Variants in PARD3B observed in about 807,000 individuals in gnomAD.
PARD3B encodes partitioning defective 3 homolog B.
A neutral mutation model predicts 130.2 loss-of-function variants in PARD3B; 103 were observed. That is an observed-to-expected ratio of 0.79 (90% CI 0.67 to 0.93). PARD3B has a LOEUF of 0.93. PARD3B is among the 40% of genes least tolerant of loss of function. The pLI is 0.00. For synonymous variants in PARD3B, 583 were observed against 553.2 expected, an observed-to-expected ratio of 1.05 and a Z score of -0.76; for missense variants, 1,609 against 1,499.2, an observed-to-expected ratio of 1.07 and a Z score of -1.21.
intron 22 of PARD3B, among the ~76,000 whole-genome samples, chr2:205,581,364 C>T (rs906512935): frequency 4.2e-5 from 6 of 141,340 alleles, no homozygotes; most frequent in African/African-American, 1.1e-4. Context: ...CGTGTGTGTA[C>T]GTGTGTATGT....
chr2:205,295,951 TTG>T (rs1401053608), intron 16 of PARD3B, among the ~76,000 whole-genome samples: 1 of 152,144 alleles, frequency 6.6e-6, no homozygotes, highest in Non-Finnish European at 1.5e-5. Context: ...ATTTAAGGAG[TTG>T]TTTCCCTTTT....
intron 2 of PARD3B, among the ~76,000 whole-genome samples, chr2:204,851,384 T>G (rs1308847924): frequency 6.6e-6 from 1 of 152,194 alleles, no homozygotes; most frequent in Non-Finnish European, 1.5e-5. Context: ...GCTTCTGATT[T>G]AATAGAATAG....
rs373118825 is a variant in PARD3B at position 204,777,687 on chromosome 2, T to C, written c.222+91405T>C. On this transcript the variant is annotated intron_variant, in intron 2 of 22. Coordinates refer to ENST00000406610, the MANE Select transcript of PARD3B (RefSeq NM_001302769.2). ...GGGCAGCTGAAGTCGGAGGATCACT[T>C]GAGCCTGGGAGGTCAAGGCTGCAGT... Among the ~76,000 whole-genome samples, 20 of 152,250 alleles carry C rather than the reference T, an allele frequency of 1.3e-4. No homozygotes were observed. In the South Asian group the frequency reaches 4.2e-3, roughly 32 times the overall value.
chr2:205,108,869 C>T (rs1164562675), intron 5 of PARD3B, among the ~76,000 whole-genome samples: 1 of 152,098 alleles, frequency 6.6e-6, no homozygotes, highest in Non-Finnish European at 1.5e-5. Flanking sequence ...AAGTTTACTT[C>T]TAAAATGGAT....
intron 2 of PARD3B, among the ~76,000 whole-genome samples, chr2:204,737,162 G>T (rs1435247815): frequency 2.0e-5 from 3 of 152,146 alleles, no homozygotes; most frequent in Non-Finnish European, 1.5e-5. Context: ...AGTAGTGATG[G>T]GGTTTCTCCA....
intron 15 of PARD3B, among the ~76,000 whole-genome samples, chr2:205,210,474 T>C (rs975991566): frequency 6.6e-6 from 1 of 152,126 alleles, no homozygotes; most frequent in Non-Finnish European, 1.5e-5. Flanking sequence ...TTGACTAATA[T>C]TATACTCTTT....
intron 1 of PARD3B, among the ~76,000 whole-genome samples, chr2:204,580,203 A>G (rs1022796277): frequency 6.6e-6 from 1 of 152,198 alleles, no homozygotes; most frequent in Non-Finnish European, 1.5e-5. Flanking sequence ...CCTTCTAAAG[A>G]GAGAGGGGAA....
intron 2 of PARD3B, among the ~76,000 whole-genome samples, chr2:204,909,027 T>C (rs1016889236): frequency 6.6e-6 from 1 of 152,174 alleles, no homozygotes; most frequent in Non-Finnish European, 1.5e-5. Flanking sequence ...TTGCTTTTTA[T>C]TGTTTGTAAC....
intron 2 of PARD3B, among the ~76,000 whole-genome samples, chr2:204,795,166 T>TTAGGAAAAA (rs1485191486): frequency 2.0e-5 from 3 of 152,206 alleles, no homozygotes; most frequent in Non-Finnish European, 4.4e-5. Context: ...GGAAAATAGG[T>TTAGGAAAAA]TCTCTTCCAT....
Position 205,365,744 on chromosome 2 carries a change from C to T in PARD3B, c.2631-35269C>T, listed in dbSNP as rs1013124766. ...GGAAGGAAAGGCATTCCAAGCATAG[C>T]GTGTTGGGACTCAAGTCATTTCTTA... On this transcript the variant is annotated intron_variant, in intron 18 of 22. Coordinates refer to ENST00000406610, the MANE Select transcript of PARD3B (RefSeq NM_001302769.2). Among the ~76,000 whole-genome samples, 10 of 152,220 alleles carry T rather than the reference C, an allele frequency of 6.6e-5. No homozygotes were observed. In the Middle Eastern group the frequency reaches 0.01, roughly 155 times the overall value.
At chr2:205,286,321 A>G (rs1222976298) in intron 16 of PARD3B, among the ~76,000 whole-genome samples, 1 of 152,160 alleles carries the variant, frequency 6.6e-6, no homozygotes, top group African/African-American at 2.4e-5. Context: ...TATATATAAG[A>G]ATGTGCCTGG....
intron 1 of PARD3B, among the ~76,000 whole-genome samples, chr2:204,621,631 A>G (rs927559791): frequency 3.3e-5 from 5 of 152,204 alleles, no homozygotes; most frequent in Admixed American, 1.3e-4. Context: ...TTAACTTTGT[A>G]GCTTTATTCT....
rs1027488159 is a variant in PARD3B at position 205,558,458 on chromosome 2, C to T, written c.3260+5055C>T. ...AGCAGGACTCGTGTGGCAGGTCTACCCCATTAAATTGACTCTTGTATGTCA... is the reference window on the plus strand; with the variant it reads ...AGCAGGACTCGTGTGGCAGGTCTACTCCATTAAATTGACTCTTGTATGTCA... On this transcript the variant is annotated intron_variant, in intron 22 of 22. Coordinates refer to ENST00000406610, the MANE Select transcript of PARD3B (RefSeq NM_001302769.2). The surrounding 1 kb of genome is among the most constrained non-coding windows in gnomAD (Gnocchi z 4.8). Among the ~76,000 whole-genome samples, 3 of 152,128 alleles carry T rather than the reference C, an allele frequency of 2.0e-5. No individual in the cohort carries two copies. The highest frequency in any genetic ancestry group is 7.2e-5 in the African/African-American group (3 of 41,418).
chr2:205,076,531 CCCCAGCCA>C (rs1356553355), intron 4 of PARD3B, among the ~76,000 whole-genome samples: 2 of 152,094 alleles, frequency 1.3e-5, no homozygotes, highest in Admixed American at 6.6e-5. Context: ...GATCATCAGC[CCCCAGCCA>C]TGGACTAGTA....
Position 205,172,311 on chromosome 2 carries a change from T to C in PARD3B, c.1721T>C (p.Met574Thr), listed in dbSNP as rs773211664. The change falls in exon 12 of 23, where the codon ATG becomes ACG. Residue 574 changes from methionine to threonine, a missense_variant. Transcript: ENST00000406610. ...GCTATGGAAACACTTAGGCGGTCAATGTCCATGGAGGGAAACATCCGAGGG... is the reference window on the plus strand; with the variant it reads ...GCTATGGAAACACTTAGGCGGTCAACGTCCATGGAGGGAAACATCCGAGGG... The part of the protein sequence containing the change: ...HEAMETLRRS[M>T]SMEGNIRGMI... 5.1e-5 allele frequency: 83 copies of C among 1,614,030 alleles called. No homozygotes were observed. Among genetic ancestry groups the C allele is most frequent in the Non-Finnish European group, 6.8e-5 (80 of 1,180,010 alleles).
chr2:205,559,662 G>A (rs936408077), intron 22 of PARD3B, among the ~76,000 whole-genome samples: 2 of 137,904 alleles, frequency 1.5e-5, no homozygotes, highest in African/African-American at 5.5e-5. Flanking sequence ...GCAGTGGTGT[G>A]ATCTCGGCTC....
intron 1 of PARD3B, among the ~76,000 whole-genome samples, chr2:204,642,787 G>C (rs1189516999): frequency 1.3e-5 from 2 of 151,784 alleles, no homozygotes; most frequent in Non-Finnish European, 2.9e-5. Context: ...TGCTGTTCTT[G>C]TATTCTCACA....
At chr2:205,599,027 A>G (rs2054678866) in intron 22 of PARD3B, among the ~76,000 whole-genome samples, 1 of 152,198 alleles carries the variant, frequency 6.6e-6, no homozygotes, top group African/African-American at 2.4e-5. Flanking sequence ...AAGATCTCAA[A>G]TTAACAACCT....
At position 205,122,775 on chromosome 2, in the gene PARD3B, G is replaced by GT. The variant is rs540562094; in HGVS notation, c.1165+827dup. Among the ~76,000 whole-genome samples, 2 of 152,192 alleles carry GT rather than the reference G, an allele frequency of 1.3e-5. No homozygotes were observed. Among genetic ancestry groups the GT allele is most frequent in the Non-Finnish European group, 2.9e-5 (2 of 68,022 alleles). ...TTAAGGTCTTTCAAAAACAAATAATGTATCATCATTTAGGATATGAAAATT... is the reference window on the plus strand; with the variant it reads ...TTAAGGTCTTTCAAAAACAAATAATGTTATCATCATTTAGGATATGAAAATT... On this transcript the variant is annotated intron_variant, in intron 8 of 22. Coordinates refer to ENST00000406610, the MANE Select transcript of PARD3B (RefSeq NM_001302769.2). The surrounding 1 kb of genome is among the most constrained non-coding windows in gnomAD (Gnocchi z 4.3).
Sources: allele counts gnomAD v4.1 joint callset (sites outside exome capture counted in the v4.1 genomes callset), GRCh38; gene constraint gnomAD v4.1.1; non-coding constraint Gnocchi (gnomAD v3.1); transcripts MANE v1.5; gene names NCBI Gene and HGNC (gene_info 2026-07-23, HGNC 2026-07-21).